The following CNTN5 variants were observed in gnomAD, a reference collection of about 807,000 sequenced individuals.
The protein encoded by CNTN5 is contactin-5.
CNTN5 carries 77 observed loss-of-function variants against 129.1 expected under a neutral mutation model. The ratio of observed to expected loss-of-function variants is 0.60; its 90% CI spans 0.50 to 0.72. CNTN5 has a LOEUF of 0.72. CNTN5 is among the 30% of genes least tolerant of loss of function. The pLI, the probability that CNTN5 is intolerant of heterozygous loss-of-function variation, is 0.00. For missense variants in CNTN5, 1,478 were observed against 1,328.8 expected, an observed-to-expected ratio of 1.11 and a Z score of -1.75; for synonymous variants, 509 against 465.6, an observed-to-expected ratio of 1.09 and a Z score of -1.20.
intron 1 of CNTN5, among the ~76,000 whole-genome samples, chr11:99,206,058 T>C (rs1859462740): frequency 6.6e-6 from 1 of 152,166 alleles, no homozygotes; most frequent in South Asian, 2.1e-4. Context: ...AAAACTGTCA[T>C]ATTCTTTACA....
At chr11:99,669,606 GAT>G (rs1228357263) in intron 3 of CNTN5, among the ~76,000 whole-genome samples, 3 of 152,042 alleles carry the variant, frequency 2.0e-5, no homozygotes, top group Non-Finnish European at 4.4e-5. Context: ...TTCCCTGTTT[GAT>G]ATATTTTTCT....
intron 1 of CNTN5, among the ~76,000 whole-genome samples, chr11:99,263,219 C>T (rs1463587979): frequency 6.6e-6 from 1 of 152,036 alleles, no homozygotes; most frequent in Non-Finnish European, 1.5e-5. Context: ...CTGTGTGATG[C>T]CAACAGTAAT....
At chr11:99,915,926 C>G (rs1406396514) in intron 6 of CNTN5, 128 bp from the exon 7 acceptor site, 1 of 685,250 alleles carries the variant, frequency 1.5e-6, no homozygotes, top group East Asian at 2.7e-5. Flanking sequence ...TTAAAGCCTT[C>G]TTGTCACTGA....
At chr11:99,785,205 T>C (rs1199594102) in intron 3 of CNTN5, among the ~76,000 whole-genome samples, 1 of 152,180 alleles carries the variant, frequency 6.6e-6, no homozygotes, top group East Asian at 1.9e-4. Flanking sequence ...AAATGTCTTC[T>C]TTTGAGAAAT....
chr11:99,350,100 C>T (rs1470176511), intron 2 of CNTN5, among the ~76,000 whole-genome samples: 2 of 152,020 alleles, frequency 1.3e-5, no homozygotes, highest in Non-Finnish European at 2.9e-5. Flanking sequence ...TGAGCTGTCT[C>T]CTAGTTATAA....
chr11:99,102,427 T>C (rs1426925732), intron 1 of CNTN5, among the ~76,000 whole-genome samples: 1 of 152,146 alleles, frequency 6.6e-6, no homozygotes, highest in Non-Finnish European at 1.5e-5. Context: ...TACAAATTTT[T>C]CAAACTTGCT....
chr11:99,384,489 T>A (rs191966333), intron 2 of CNTN5, among the ~76,000 whole-genome samples: 66 of 152,304 alleles, frequency 4.3e-4, no homozygotes, highest in Non-Finnish European at 5.6e-4. Context: ...ACCGAGGGAC[T>A]CAGGACACCA....
chr11:99,357,147 G>A (rs1205703461), intron 2 of CNTN5, among the ~76,000 whole-genome samples: 2 of 152,108 alleles, frequency 1.3e-5, no homozygotes, highest in African/African-American at 4.8e-5. Context: ...GGGATGCTTC[G>A]CTGGTCAAGG....
chr11:99,790,229 G>A (rs1188437989), intron 3 of CNTN5, among the ~76,000 whole-genome samples: 1 of 151,986 alleles, frequency 6.6e-6, no homozygotes, highest in Non-Finnish European at 1.5e-5. Flanking sequence ...GTTTGTTGTA[G>A]AAGTAAATTG....
At chr11:99,428,559 C>CAAAAAAAAAAAA (rs60754666) in intron 2 of CNTN5, among the ~76,000 whole-genome samples, 1 of 57,316 alleles carries the variant, frequency 1.7e-5, no homozygotes, top group Non-Finnish European at 3.9e-5. Flanking sequence ...GACCCTGTCT[C>CAAAAAAAAAAAA]AAAAAAAAAA....
At chr11:99,515,260 A>C (rs1947003531) in intron 2 of CNTN5, among the ~76,000 whole-genome samples, 1 of 152,080 alleles carries the variant, frequency 6.6e-6, no homozygotes, top group Non-Finnish European at 1.5e-5. Flanking sequence ...AACAACTGTC[A>C]CAATTCTTGT....
chr11:99,369,217 A>AAT (rs3990844), intron 2 of CNTN5, among the ~76,000 whole-genome samples: 88,920 of 134,584 alleles, frequency 0.66, 30,136 homozygotes, highest in Admixed American at 0.68. Flanking sequence ...TATTATATAT[A>AAT]ATATATATAT....
chr11:99,076,869 A>G (rs1003478862), intron 1 of CNTN5, among the ~76,000 whole-genome samples: 2 of 152,204 alleles, frequency 1.3e-5, no homozygotes, highest in South Asian at 2.1e-4. Context: ...GTATTTTCCA[A>G]TGCTTGAAAA....
At chr11:100,010,951 A>T (rs2137521665) in intron 9 of CNTN5, among the ~76,000 whole-genome samples, 1 of 152,196 alleles carries the variant, frequency 6.6e-6, no homozygotes, top group African/African-American at 2.4e-5. Context: ...TTCACTATTT[A>T]GCCTGCCCCA....
At chr11:99,163,130 A>G (rs10790497) in intron 1 of CNTN5, among the ~76,000 whole-genome samples, 53,654 of 152,010 alleles carry the variant, frequency 0.35, 10,027 homozygotes, top group African/African-American at 0.45. Flanking sequence ...AACAGTTTTT[A>G]TGGCTCTTGG....
intron 3 of CNTN5, among the ~76,000 whole-genome samples, chr11:99,688,583 G>GT (rs1009470023): frequency 1.3e-5 from 2 of 151,962 alleles, no homozygotes; most frequent in Admixed American, 6.6e-5. Flanking sequence ...TTTCCACAGT[G>GT]TTTTTTAACT....
At chr11:99,772,563 G>C (rs1005845768) in intron 3 of CNTN5, among the ~76,000 whole-genome samples, 1 of 151,894 alleles carries the variant, frequency 6.6e-6, no homozygotes, top group African/African-American at 2.4e-5. Flanking sequence ...CAGCTCACTT[G>C]GTCAAAGAAA....
At chr11:99,895,159 A>C (rs567260270) in intron 6 of CNTN5, among the ~76,000 whole-genome samples, 1 of 152,212 alleles carries the variant, frequency 6.6e-6, no homozygotes, top group South Asian at 2.1e-4. Context: ...GCTGCTCCCC[A>C]TCAGTTCAGT....
chr11:100,049,981 G>A (rs1207773623), intron 9 of CNTN5, among the ~76,000 whole-genome samples: 1 of 152,180 alleles, frequency 6.6e-6, no homozygotes, highest in Non-Finnish European at 1.5e-5. Context: ...AACAACAGGT[G>A]CTGGAGAGGA....
Sources: allele counts gnomAD v4.1 joint callset (sites outside exome capture counted in the v4.1 genomes callset), GRCh38; gene constraint gnomAD v4.1.1; transcripts MANE v1.5; gene names NCBI Gene and HGNC (gene_info 2026-07-23, HGNC 2026-07-21).